Variants in GSAP observed in about 807,000 individuals in gnomAD.
GSAP encodes the protein gamma-secretase-activating protein.
A neutral mutation model predicts 131.7 loss-of-function variants in GSAP; 118 were observed. That is an observed-to-expected ratio of 0.90 (90% CI 0.77 to 1.04). The LOEUF (loss-of-function observed/expected upper bound fraction) is 1.04, where lower values mean the gene tolerates loss of function less well. GSAP is among the 50% of genes least tolerant of loss of function. The probability of loss-of-function intolerance (pLI) is 0.00; values close to 1 mark genes in which losing one functional copy is unlikely to be tolerated. For missense variants in GSAP, 1,019 were observed against 1,013.2 expected (o/e 1.01, Z -0.08); for synonymous variants, 381 against 363.4 (o/e 1.05, Z -0.55).
Position 77,404,581 on chromosome 7 carries a change from T to C in GSAP, c.221A>G (p.Asp74Gly). Residue 74 changes from aspartate (D) to glycine (G), a missense_variant, in exon 3 of 31, where the codon GAT becomes GGT. Coordinates refer to ENST00000257626, the MANE Select transcript of GSAP (RefSeq NM_017439.4). Reference protein sequence around the residue: ...DKGNVVFGLYDCQTRQNELLY... With the variant: ...DKGNVVFGLYGCQTRQNELLY... ...TACCTCATTTTGTCTGGTTTGACAA[T>C]CATATAATCCAAAGACGACATTTCC... The C allele has an allele frequency of 6.4e-7, 1 of 1,559,056 alleles. No homozygotes were observed.
chr7:77,404,180 T>G (rs77339147), intron 3 of GSAP, among the ~76,000 whole-genome samples: 5,118 of 152,270 alleles, frequency 0.034, 292 homozygotes, highest in African/African-American at 0.12. Flanking sequence ...AATGACCAAA[T>G]GCCATAAACT....
chr7:77,354,062 C>G (rs1215210681), intron 16 of GSAP, among the ~76,000 whole-genome samples: 1 of 152,134 alleles, frequency 6.6e-6, no homozygotes, highest in Non-Finnish European at 1.5e-5. Context: ...CACCAGTTAA[C>G]CTTTGTGAGC....
chr7:77,340,564 C>A (rs774345272), intron 19 of GSAP, among the ~76,000 whole-genome samples: 9 of 152,226 alleles, frequency 5.9e-5, no homozygotes, highest in Admixed American at 1.3e-4. Flanking sequence ...ACCCTTCAAT[C>A]TCCCTGTCCT....
intron 18 of GSAP, among the ~76,000 whole-genome samples, chr7:77,352,289 A>T (rs1329367331): frequency 1.3e-5 from 2 of 152,266 alleles, no homozygotes; most frequent in African/African-American, 4.8e-5. Context: ...ATGTAGTTCT[A>T]ATATCTAAAT....
intron 23 of GSAP, among the ~76,000 whole-genome samples, chr7:77,324,606 T>A (rs988368174): frequency 2.6e-5 from 4 of 152,174 alleles, no homozygotes; most frequent in Non-Finnish European, 5.9e-5. Context: ...TTAATTCAAT[T>A]CAGTCTCATG....
intron 5 of GSAP, among the ~76,000 whole-genome samples, chr7:77,392,905 A>G (rs1023808833): frequency 2.4e-4 from 37 of 152,216 alleles, no homozygotes; most frequent in Admixed American, 2.4e-3. Flanking sequence ...TGGTCACCCC[A>G]ATTGCTGCCC....
At chr7:77,349,237 C>G in intron 19 of GSAP, 114 bp downstream of exon 19, 1 of 782,804 alleles carries the variant, frequency 1.3e-6, no homozygotes, top group Non-Finnish European at 2.2e-6. Context: ...ACCCTACTGC[C>G]TTGCCCTCCC....
intron 19 of GSAP, among the ~76,000 whole-genome samples, chr7:77,347,374 C>T (rs1308625356): frequency 6.6e-6 from 1 of 152,080 alleles, no homozygotes; most frequent in Non-Finnish European, 1.5e-5. Flanking sequence ...CTATGTCCCC[C>T]AACCTGTGGG....
chr7:77,410,032 G>A (rs1393680967), intron 1 of GSAP, among the ~76,000 whole-genome samples: 1 of 152,140 alleles, frequency 6.6e-6, no homozygotes, highest in East Asian at 1.9e-4. Context: ...ATGTGTTTTA[G>A]ATTCCCTGGG....
At chr7:77,323,518 T>C in intron 24 of GSAP, 129 bp downstream of exon 24, 1 of 546,578 alleles carries the variant, frequency 1.8e-6, no homozygotes, top group Non-Finnish European at 3.3e-6. Context: ...CAAATACTGA[T>C]TTAAGAACGG....
intron 18 of GSAP, among the ~76,000 whole-genome samples, chr7:77,350,483 C>G (rs1792680359): frequency 6.6e-6 from 1 of 150,910 alleles, no homozygotes; most frequent in Non-Finnish European, 1.5e-5. Flanking sequence ...CGCCTGTAAT[C>G]CCAGAACTTT....
At chr7:77,341,117 C>T (rs1189676908) in intron 19 of GSAP, among the ~76,000 whole-genome samples, 2 of 152,114 alleles carry the variant, frequency 1.3e-5, no homozygotes, top group Admixed American at 1.3e-4. Context: ...TTTACAAGAC[C>T]CGGATGATTT....
At chr7:77,388,802 T>C (rs993798713) in intron 5 of GSAP, among the ~76,000 whole-genome samples, 10 of 152,242 alleles carry the variant, frequency 6.6e-5, no homozygotes, top group African/African-American at 9.6e-5. Context: ...CTGAGCTATG[T>C]CCTAACAACT....
chr7:77,366,395 CTTGAG>C (rs1197306646), intron 12 of GSAP, among the ~76,000 whole-genome samples: 1 of 152,078 alleles, frequency 6.6e-6, no homozygotes, highest in Admixed American at 6.6e-5. Flanking sequence ...TTTAATGCAT[CTTGAG>C]TTGATTTTTG....
chr7:77,406,017 A>T lies in GSAP; in HGVS notation c.186+12T>A. On this transcript the variant is annotated intron_variant, in intron 2 of 30. Transcript: ENST00000257626. ...TTACATCTTACCACAATAAAAAAGA[A>T]TATAGACATACCTTATAGGTATAAA... 3 of 893,296 alleles carry T rather than the reference A, an allele frequency of 3.4e-6. No individual in the cohort carries two copies. Among genetic ancestry groups the T allele is most frequent in the Non-Finnish European group, 4.7e-6 (3 of 635,900 alleles). The allele number at this position is 893,296 out of a possible 1,614,324, so 55.3% of individuals were successfully genotyped here. A position where few individuals can be genotyped will look rare whatever the true frequency, so the allele number is the denominator to read the frequency against.
At chr7:77,388,175 T>C (rs1798862199) in intron 5 of GSAP, among the ~76,000 whole-genome samples, 1 of 152,264 alleles carries the variant, frequency 6.6e-6, no homozygotes, top group Non-Finnish European at 1.5e-5. Flanking sequence ...GAGAAATCAA[T>C]GTGCACGGAG....
rs60305186 is a variant in GSAP at position 77,399,703 on chromosome 7, T to TG, written c.244-2289dup. 8.6e-3 allele frequency among the ~76,000 whole-genome samples: 975 copies of TG among 113,710 alleles called. 2 individuals carry two copies. Among genetic ancestry groups the TG allele is most frequent in the East Asian group, 0.018 (70 of 3,968 alleles). 74.6% of individuals were successfully genotyped at this position (113,710 alleles called of 152,430 possible). ...GAGACCATTAACTCAAAACTTGAGGTGGGGGGGGGCGGGGCAAAGTGAAGT... is the reference window on the plus strand; with the variant it reads ...GAGACCATTAACTCAAAACTTGAGGTGGGGGGGGGGCGGGGCAAAGTGAAGT... On this transcript the variant is annotated intron_variant, in intron 3 of 30. Transcript: ENST00000257626.
At position 77,351,654 on chromosome 7, in the gene GSAP, G is replaced by A. The variant is rs1043706039; in HGVS notation, c.1491+1290C>T. The A allele has an allele frequency of 3.0e-6, 3 of 985,610 alleles. No individual in the cohort carries two copies. In the African/African-American group the frequency reaches 5.2e-5, roughly 17 times the overall value. 61.1% of individuals were successfully genotyped at this position (985,610 alleles called of 1,614,324 possible). On this transcript the variant is annotated intron_variant, in intron 18 of 30. Coordinates refer to ENST00000257626, the MANE Select transcript of GSAP (RefSeq NM_017439.4). The stretch of plus-strand genomic sequence containing the variant: ...TTCTTGGACTTCCTGATGTCACCCT[G>A]TGCGTGTCCACAATAGCTGCTCCAC...
intron 12 of GSAP, among the ~76,000 whole-genome samples, chr7:77,368,670 G>A (rs1183559613): frequency 1.3e-5 from 2 of 152,214 alleles, no homozygotes; most frequent in Admixed American, 6.5e-5. Context: ...GGCTTACTAA[G>A]TCTATTGCCT....
Sources: allele counts gnomAD v4.1 joint callset (sites outside exome capture counted in the v4.1 genomes callset), GRCh38; gene constraint gnomAD v4.1.1; transcripts MANE v1.5; gene names NCBI Gene and HGNC (gene_info 2026-07-23, HGNC 2026-07-21).